Variants in TNPO3 observed in about 807,000 individuals in gnomAD.
TNPO3 encodes the protein transportin 3, also known as transportin-3.
In TNPO3, 65 loss-of-function variants were observed where a neutral mutation model predicts 122.8. That is an observed-to-expected ratio of 0.53 (90% confidence interval 0.43 to 0.65). TNPO3 has a LOEUF of 0.65. TNPO3 is among the 30% of genes least tolerant of loss of function. The pLI, the probability that TNPO3 is intolerant of heterozygous loss-of-function variation, is 0.00. For missense variants in TNPO3, 850 were observed against 1,136.7 expected, an observed-to-expected ratio of 0.75 and a Z score of 3.63; for synonymous variants, 372 against 411.2, an observed-to-expected ratio of 0.90 and a Z score of 1.15.
chr7:129,035,950 CTTTT>C lies in TNPO3; in HGVS notation c.121-17797_121-17794del, dbSNP rs71162551. Among the ~76,000 whole-genome samples the C allele has an allele frequency of 9.5e-3, 1,143 of 119,824 alleles. 11 individuals are homozygous for C. The highest frequency in any genetic ancestry group is 0.031 in the African/African-American group (1,058 of 33,790). The allele number at this position is 119,824 out of a possible 152,430, so 78.6% of individuals were successfully genotyped here. A position where few individuals can be genotyped will look rare whatever the true frequency, so the allele number is the denominator to read the frequency against. ...GTATGTGTGTTTTTTCTTTTCTTTT[CTTTT>C]TTTTTTTTTTTTTTTTTGAGATGGA... On this transcript the variant is annotated intron_variant, in intron 1 of 22. Transcript: ENST00000265388.
intron 11 of TNPO3, 127 bp from the exon 12 acceptor site, chr7:128,987,047 G>A (rs1437790320): frequency 1.1e-6 from 1 of 903,970 alleles, no homozygotes; most frequent in Admixed American, 3.2e-5. Flanking sequence ...AGTGAAATGT[G>A]TTCAGAACCA....
chr7:128,990,120 A>C lies in TNPO3; in HGVS notation c.1359-20T>G. 1 of 1,614,152 alleles carries C rather than the reference A, an allele frequency of 6.2e-7. No homozygotes were observed. The highest frequency in any genetic ancestry group is 8.5e-7 in the Non-Finnish European group (1 of 1,179,978). ...TTTTCCCTGAGTACAGGCGGTAAGT[A>C]CTCACAGTTACTGATTTCAGAGGTT... On this transcript the variant is annotated intron_variant, in intron 10 of 22. Transcript: ENST00000265388.
intron 1 of TNPO3, among the ~76,000 whole-genome samples, chr7:129,043,663 C>T (rs1002487375): frequency 6.6e-6 from 1 of 152,118 alleles, no homozygotes; most frequent in African/African-American, 2.4e-5. Flanking sequence ...AATAATAATC[C>T]TCAATTACCT....
At chr7:128,991,949 C>T in intron 10 of TNPO3, 50 bp downstream of exon 10, 1 of 1,323,930 alleles carries the variant, frequency 7.6e-7, no homozygotes, top group Non-Finnish European at 1.1e-6. Flanking sequence ...TGTCATTTTC[C>T]TTCCTCTTGA....
At chr7:128,962,930 ATC>A (rs1382131977) in intron 21 of TNPO3, among the ~76,000 whole-genome samples, 1 of 152,112 alleles carries the variant, frequency 6.6e-6, no homozygotes, top group Admixed American at 6.6e-5. Context: ...ATATTATTTT[ATC>A]TGTCATATAT....
At chr7:128,990,276 G>A in intron 10 of TNPO3, 176 bp from the exon 11 acceptor site, 1 of 726,896 alleles carries the variant, frequency 1.4e-6, no homozygotes, top group Non-Finnish European at 2.4e-6. Flanking sequence ...AAGAGGAAAA[G>A]ATAGAAATGA....
At position 129,001,076 on chromosome 7, in the gene TNPO3, T is replaced by A; in HGVS notation, c.855A>T (p.Ala285=). The part of the protein sequence containing the change: ...TLETAYHMAV[A]REDLDKVLNY... Reference sequence around the variant, plus strand: ...TTACTCACTTGTCTAAATCTTCACGTGCCACGGCCATATGATAGGCAGTCT... The same window carrying A: ...TTACTCACTTGTCTAAATCTTCACGAGCCACGGCCATATGATAGGCAGTCT... Residue 285 remains alanine (A), a synonymous_variant, in exon 6 of 23, where the codon GCA becomes GCT. Coordinates refer to ENST00000265388, the MANE Select transcript of TNPO3 (RefSeq NM_012470.4). 1 of 1,614,150 alleles carries A rather than the reference T, an allele frequency of 6.2e-7. No individual in the cohort carries two copies. Among genetic ancestry groups the A allele is most frequent in the Non-Finnish European group, 8.5e-7 (1 of 1,179,970 alleles).
chr7:128,960,749 TTTATTA>T (rs60734129), intron 21 of TNPO3, among the ~76,000 whole-genome samples: 6 of 150,598 alleles, frequency 4.0e-5, no homozygotes, highest in African/African-American at 1.2e-4. Flanking sequence ...CAAGAGTTAA[TTTATTA>T]TTATTATTAT....
At chr7:128,996,774 C>G (rs1801378475) in intron 8 of TNPO3, among the ~76,000 whole-genome samples, 1 of 138,872 alleles carries the variant, frequency 7.2e-6, no homozygotes, top group Non-Finnish European at 1.5e-5. Flanking sequence ...AAAAAGAGTA[C>G]ATAATTTTAC....
chr7:128,993,615 C>G (rs1800985040), intron 9 of TNPO3, among the ~76,000 whole-genome samples, 192 bp downstream of exon 9: 1 of 152,224 alleles, frequency 6.6e-6, no homozygotes, highest in Non-Finnish European at 1.5e-5. Flanking sequence ...CATCCATAAA[C>G]TGCAACTGAC....
At chr7:129,038,037 C>G (rs1343234751) in intron 1 of TNPO3, among the ~76,000 whole-genome samples, 1 of 152,034 alleles carries the variant, frequency 6.6e-6, no homozygotes, top group African/African-American at 2.4e-5. Flanking sequence ...TGTTACTCCC[C>G]CAAATAAGCA....
At chr7:129,027,603 A>C (rs1163624164) in intron 1 of TNPO3, among the ~76,000 whole-genome samples, 6 of 148,004 alleles carry the variant, frequency 4.1e-5, no homozygotes, top group Non-Finnish European at 9.0e-5. Flanking sequence ...AACACAAAAA[A>C]TTCACTAAAT....
chr7:128,981,869 C>T (rs955960481), intron 14 of TNPO3, among the ~76,000 whole-genome samples: 2 of 152,080 alleles, frequency 1.3e-5, no homozygotes, highest in African/African-American at 4.8e-5. Flanking sequence ...GCTGGGACCA[C>T]AGGCCCATGC....
intron 7 of TNPO3, among the ~76,000 whole-genome samples, chr7:128,999,718 C>A (rs968222243): frequency 2.0e-5 from 3 of 151,828 alleles, no homozygotes; most frequent in African/African-American, 7.3e-5. Flanking sequence ...TCAAGCAATT[C>A]TCCTGCCTCA....
At chr7:129,035,504 T>C (rs1361842544) in intron 1 of TNPO3, among the ~76,000 whole-genome samples, 1 of 152,078 alleles carries the variant, frequency 6.6e-6, no homozygotes, top group Admixed American at 6.5e-5. Context: ...TGCCAGCTAC[T>C]TTGGAGGCTG....
At chr7:128,964,241 A>G (rs1306738962) in intron 21 of TNPO3, among the ~76,000 whole-genome samples, 1 of 152,084 alleles carries the variant, frequency 6.6e-6, no homozygotes, top group African/African-American at 2.4e-5. Flanking sequence ...ATTCAATACA[A>G]TCCCCATCAA....
chr7:129,050,381 CA>C (rs35638855), intron 1 of TNPO3, among the ~76,000 whole-genome samples: 160 of 35,952 alleles, frequency 4.5e-3, no homozygotes, highest in African/African-American at 0.017. Flanking sequence ...GACTCTGTCT[CA>C]AAAAAAAAAA....
At chr7:129,038,288 G>C (rs567330808) in intron 1 of TNPO3, among the ~76,000 whole-genome samples, 1 of 152,114 alleles carries the variant, frequency 6.6e-6, no homozygotes, top group South Asian at 2.1e-4. Flanking sequence ...GAAAGCATTC[G>C]ACACCAAGAA....
intron 1 of TNPO3, among the ~76,000 whole-genome samples, chr7:129,034,365 T>C (rs6467222): frequency 0.59 from 90,014 of 151,800 alleles, 26,879 homozygotes; most frequent in South Asian, 0.62. Flanking sequence ...CATGATGGCA[T>C]GTCTGTAGTC....
Sources: allele counts gnomAD v4.1 joint callset (sites outside exome capture counted in the v4.1 genomes callset), GRCh38; gene constraint gnomAD v4.1.1; transcripts MANE v1.5; gene names NCBI Gene and HGNC (gene_info 2026-07-23, HGNC 2026-07-21).